FLNB: variants seen among roughly 807,000 people sequenced by gnomAD.
FLNB encodes filamin B, also known as filamin-B.
In FLNB, 111 loss-of-function variants were observed where a neutral mutation model predicts 250.6. The observed-to-expected ratio is 0.44, with a 90% confidence interval of 0.38 to 0.52. FLNB has a LOEUF of 0.52. FLNB is among the 20% of genes least tolerant of loss of function. The pLI is 0.00. For missense variants in FLNB, 2,869 were observed against 3,447.8 expected (o/e 0.83, Z 4.20); for synonymous variants, 1,302 against 1,372.1 (o/e 0.95, Z 1.13).
In FLNB at chr3:58,169,965, G is replaced by T. The variant is rs932274506; in HGVS notation, c.7621+172G>T. Among the ~76,000 whole-genome samples, 2 of 152,148 alleles carry T rather than the reference G, an allele frequency of 1.3e-5. No individual in the cohort carries two copies. The highest frequency in any genetic ancestry group is 4.8e-5 in the African/African-American group (2 of 41,422). On this transcript the variant is annotated intron_variant, in intron 45 of 45. Coordinates refer to ENST00000295956, the MANE Select transcript of FLNB (RefSeq NM_001457.4). This position sits in a 1 kb window ranked among gnomAD's most constrained non-coding sequence, Gnocchi z 4.8. ...TCTCCTGCACTTAATATTTTTAAATGATTTCCTTCTCTTTTGCCTTTTGAA... is the reference window on the plus strand; with the variant it reads ...TCTCCTGCACTTAATATTTTTAAATTATTTCCTTCTCTTTTGCCTTTTGAA...
chr3:58,094,198 G>A (rs1471979719), intron 4 of FLNB, among the ~76,000 whole-genome samples: 1 of 152,216 alleles, frequency 6.6e-6, no homozygotes, highest in African/African-American at 2.4e-5. Flanking sequence ...TCCTGCCTCA[G>A]CCTCCCAAGT....
At chr3:58,150,518 AT>A (rs2097343089) in intron 38 of FLNB, 24 of 452,298 alleles carry the variant, frequency 5.3e-5, no homozygotes, top group South Asian at 5.0e-4. Flanking sequence ...TAGATTAACT[AT>A]CTGTCAAATA....
chr3:58,169,821 G>T lies in FLNB; in HGVS notation c.7621+28G>T. On this transcript the variant is annotated intron_variant, in intron 45 of 45. Coordinates refer to ENST00000295956, the MANE Select transcript of FLNB (RefSeq NM_001457.4). This position sits in a 1 kb window ranked among gnomAD's most constrained non-coding sequence, Gnocchi z 4.8. Reference sequence around the variant, plus strand: ...AGGTGTCTGGGCCTTTTCAAGGGTGGGGTGGGGCAGGGGCAGGCTGGGCAC... The same window carrying T: ...AGGTGTCTGGGCCTTTTCAAGGGTGTGGTGGGGCAGGGGCAGGCTGGGCAC... 1 of 1,455,040 alleles carries T rather than the reference G, an allele frequency of 6.9e-7. No individual in the cohort carries two copies. Among genetic ancestry groups the T allele is most frequent in the South Asian group, 1.1e-5 (1 of 87,486 alleles). The allele number at this position is 1,455,040 out of a possible 1,614,324, so 90.1% of individuals were successfully genotyped here.
At position 58,102,434 on chromosome 3, in the gene FLNB, A is replaced by G. The variant is rs928881127; in HGVS notation, c.1483+94A>G. ...TTCATCCCACGGCCAGTTGTCCTCA[A>G]TAATCCCAGAAGGCTATGTCAAGGA... On this transcript the variant is annotated intron_variant, in intron 9 of 45. Coordinates refer to ENST00000295956, the MANE Select transcript of FLNB (RefSeq NM_001457.4). 5 of 1,366,394 alleles carry G rather than the reference A, an allele frequency of 3.7e-6. No individual in the cohort carries two copies. The African/African-American group carries it at 5.7e-5, about 16-fold the overall frequency. 84.6% of individuals were successfully genotyped at this position (1,366,394 alleles called of 1,614,324 possible). A position where few individuals can be genotyped will look rare whatever the true frequency, so the allele number is the denominator to read the frequency against.
At chr3:58,158,697 T>A (rs2097356894) in intron 41 of FLNB, among the ~76,000 whole-genome samples, 1 of 152,202 alleles carries the variant, frequency 6.6e-6, no homozygotes, top group Non-Finnish European at 1.5e-5. Context: ...TTCTTAACCA[T>A]CTGAACTTCT....
intron 25 of FLNB, among the ~76,000 whole-genome samples, chr3:58,131,534 G>T (rs1163804952): frequency 6.6e-6 from 1 of 152,196 alleles, no homozygotes; most frequent in Non-Finnish European, 1.5e-5. Flanking sequence ...TCCTCCTCCA[G>T]CACTTAAAAT....
At chr3:58,159,169 A>G (rs2097357692) in intron 41 of FLNB, among the ~76,000 whole-genome samples, 1 of 152,148 alleles carries the variant, frequency 6.6e-6, no homozygotes, top group African/African-American at 2.4e-5. Flanking sequence ...CGTGTTCGTG[A>G]GTGCATGACT....
intron 1 of FLNB, among the ~76,000 whole-genome samples, chr3:58,047,378 T>C (rs2097155767): frequency 6.6e-6 from 1 of 152,010 alleles, no homozygotes; most frequent in Admixed American, 6.6e-5. Context: ...ATCAACCCTA[T>C]TTATTTATTT....
At chr3:58,066,432 T>G (rs1455311505) in intron 1 of FLNB, among the ~76,000 whole-genome samples, 2 of 152,160 alleles carry the variant, frequency 1.3e-5, no homozygotes, top group African/African-American at 4.8e-5. Flanking sequence ...TTCACCAGGC[T>G]GGTCTCGAAC....
At chr3:58,102,672 C>A (rs1161952226) in intron 9 of FLNB, among the ~76,000 whole-genome samples, 3 of 152,190 alleles carry the variant, frequency 2.0e-5, no homozygotes, top group African/African-American at 7.2e-5. Flanking sequence ...GAGGAAGGCT[C>A]TTGCCTAAGG....
chr3:58,026,705 C>T (rs192614913), intron 1 of FLNB, among the ~76,000 whole-genome samples: 2 of 152,258 alleles, frequency 1.3e-5, no homozygotes, highest in African/African-American at 2.4e-5. Context: ...TTGCATGAAC[C>T]GTGTACTTCC....
chr3:58,090,605 A>G (rs777486978), intron 4 of FLNB, among the ~76,000 whole-genome samples: 4 of 152,168 alleles, frequency 2.6e-5, no homozygotes, highest in African/African-American at 7.2e-5. Flanking sequence ...TTTTGGCTCT[A>G]TTTATAATCT....
intron 18 of FLNB, 102 bp downstream of exon 18, chr3:58,112,420 C>A: frequency 8.2e-7 from 1 of 1,224,458 alleles, no homozygotes; most frequent in Non-Finnish European, 1.2e-6. Flanking sequence ...GAGAGGTGCT[C>A]TGCCAAAGTG....
intron 1 of FLNB, among the ~76,000 whole-genome samples, chr3:58,028,215 A>T (rs2097126035): frequency 6.6e-6 from 1 of 152,048 alleles, no homozygotes; most frequent in African/African-American, 2.4e-5. Flanking sequence ...TATAGAGGGG[A>T]TTGGGACTTG....
intron 20 of FLNB, among the ~76,000 whole-genome samples, chr3:58,122,642 C>CT (rs1559709412): frequency 6.6e-6 from 1 of 152,254 alleles, no homozygotes; most frequent in African/African-American, 2.4e-5. Context: ...CTTCCTCACT[C>CT]TTTTTTAGAA....
rs751072125 is a variant in FLNB, at chr3:58,109,678, G to T, written c.2302G>T (p.Asp768Tyr). The change falls in exon 15 of 46, where the codon GAC becomes TAC. Residue 768 changes from aspartate to tyrosine, a missense_variant. Coordinates refer to ENST00000295956, the MANE Select transcript of FLNB (RefSeq NM_001457.4). Reference sequence around the variant, plus strand: ...AAATGAACCTACACACTTCACGGTGGACTGTACTGAGGCTGGGGAAGGTGA... The same window carrying T: ...AAATGAACCTACACACTTCACGGTGTACTGTACTGAGGCTGGGGAAGGTGA... ...KANEPTHFTV[D>Y]CTEAGEGDVS... 3.7e-6 allele frequency: 6 copies of T among 1,613,998 alleles called. No individual in the cohort carries two copies. The highest frequency in any genetic ancestry group is 1.1e-5 in the South Asian group (1 of 91,034).
At chr3:58,148,398 G>A (rs773811593) in intron 35 of FLNB, 34 bp downstream of exon 35, 1 of 1,603,764 alleles carries the variant, frequency 6.2e-7, no homozygotes, top group South Asian at 1.1e-5. Flanking sequence ...CTGGAGCCAG[G>A]ACATCTTGGG....
chr3:58,112,198 T>C lies in FLNB; in HGVS notation c.2625T>C (p.Ala875=). 6.2e-7 allele frequency: 1 copy of C among 1,614,214 alleles called. No homozygotes were observed. The highest frequency in any genetic ancestry group is 8.5e-7 in the Non-Finnish European group (1 of 1,180,030). ...ACTTCACTGTCTACACCAAGGGGGC[T>C]GGGAAAGCCCCGCTCAACGTGCAGT... ...PTHFTVYTKG[A]GKAPLNVQFN... is the part of the protein sequence containing the mutation. Residue 875 remains alanine, a synonymous_variant, in exon 18 of 46, where the codon GCT becomes GCC. Transcript: ENST00000295956.
rs73834787 is a variant in FLNB at position 58,029,522 on chromosome 3, G to A, written c.292+20666G>A. On this transcript the variant is annotated intron_variant, in intron 1 of 45. Transcript: ENST00000295956. ...ATGAGAATTCTTTTTTTTTTTTTTT[G>A]TCTCAAGAGTCTTGCTCTGTCGCCC... Among the ~76,000 whole-genome samples, 432 of 109,798 alleles carry A rather than the reference G, an allele frequency of 3.9e-3. 5 individuals are homozygous for A. Among genetic ancestry groups the A allele is most frequent in the African/African-American group, 0.016 (412 of 25,980 alleles). 72.0% of individuals were successfully genotyped at this position (109,798 alleles called of 152,430 possible). A position where few individuals can be genotyped will look rare whatever the true frequency, so the allele number is the denominator to read the frequency against.
Sources: gnomAD v4.1 joint callset for allele counts (sites outside exome capture counted in the v4.1 genomes callset) on GRCh38, gnomAD v4.1.1 for gene constraint, Gnocchi (gnomAD v3.1) non-coding constraint, MANE v1.5 for transcripts, NCBI Gene and HGNC (gene_info 2026-07-23, HGNC 2026-07-21) for gene names.